Variants in UGGT2 observed in about 807,000 individuals in gnomAD.
UGGT2 encodes UDP-glucose glycoprotein glucosyltransferase 2, also known as UDP-glucose:glycoprotein glucosyltransferase 2.
Under a neutral mutation model 192.1 loss-of-function variants are expected in UGGT2, and 180 were observed. That is an observed-to-expected ratio of 0.94 (90% CI 0.83 to 1.06). UGGT2 has a LOEUF of 1.06. Among genes scored for constraint, UGGT2 ranks in the 50% least tolerant of loss-of-function variants. The pLI is 0.00. For missense variants in UGGT2, 1,849 were observed against 1,795.7 expected, an observed-to-expected ratio of 1.03 and a Z score of -0.54; for synonymous variants, 580 against 591.0, an observed-to-expected ratio of 0.98 and a Z score of 0.27.
At chr13:96,018,231 G>A (rs541350861) in intron 4 of UGGT2, among the ~76,000 whole-genome samples, 2 of 152,286 alleles carry the variant, frequency 1.3e-5, no homozygotes, top group South Asian at 2.1e-4. Flanking sequence ...AAATGTGAAT[G>A]AAGATCAGGA....
At chr13:95,969,848 T>C (rs910419016) in intron 12 of UGGT2, among the ~76,000 whole-genome samples, 16 of 152,336 alleles carry the variant, frequency 1.1e-4, no homozygotes, top group Admixed American at 1.0e-3. Context: ...TTATTGTTCA[T>C]GTGGTTATTC....
intron 1 of UGGT2, among the ~76,000 whole-genome samples, chr13:96,040,600 T>C (rs1221770555): frequency 6.6e-6 from 1 of 152,172 alleles, no homozygotes; most frequent in Non-Finnish European, 1.5e-5. Flanking sequence ...GACTTAGGGT[T>C]ACCTCCCAAT....
intron 8 of UGGT2, 27 bp downstream of exon 8, chr13:95,989,946 G>A: frequency 6.7e-7 from 1 of 1,485,362 alleles, no homozygotes; most frequent in Non-Finnish European, 9.2e-7. Context: ...CCAAAATGCT[G>A]TGTTAAAGTA....
chr13:95,909,398 T>C (rs1274445437), intron 20 of UGGT2, among the ~76,000 whole-genome samples: 2 of 151,696 alleles, frequency 1.3e-5, no homozygotes, highest in African/African-American at 4.9e-5. Flanking sequence ...GTGGCACGTA[T>C]ACACCATGGA....
chr13:95,841,477 A>G (rs1887858363), intron 36 of UGGT2, among the ~76,000 whole-genome samples: 1 of 152,160 alleles, frequency 6.6e-6, no homozygotes, highest in Admixed American at 6.5e-5. Context: ...AGGGAGGAAG[A>G]GGTCAGTTGC....
At chr13:95,907,603 A>G (rs1459845050) in intron 20 of UGGT2, among the ~76,000 whole-genome samples, 4 of 152,344 alleles carry the variant, frequency 2.6e-5, no homozygotes, top group Admixed American at 6.5e-5. Context: ...ATACCCAGGC[A>G]AAAAGGATTT....
chr13:95,958,238 G>A (rs184254207), intron 12 of UGGT2, among the ~76,000 whole-genome samples: 95 of 151,842 alleles, frequency 6.3e-4, no homozygotes, highest in Middle Eastern at 6.8e-3. Context: ...TGCAAGCTCC[G>A]CCTCCTAGGT....
chr13:95,898,988 G>A (rs1391677976), intron 22 of UGGT2, among the ~76,000 whole-genome samples: 1 of 152,222 alleles, frequency 6.6e-6, no homozygotes, highest in Non-Finnish European at 1.5e-5. Context: ...AGTGGCCAGT[G>A]CGATAGCACT....
At chr13:95,932,671 C>T (rs2049329019) in intron 17 of UGGT2, among the ~76,000 whole-genome samples, 1 of 152,048 alleles carries the variant, frequency 6.6e-6, no homozygotes, top group South Asian at 2.1e-4. Flanking sequence ...CTGTTCCAGT[C>T]CTCAAGGGGA....
At chr13:95,938,455 T>C (rs760875829) in intron 16 of UGGT2, among the ~76,000 whole-genome samples, 22 of 152,204 alleles carry the variant, frequency 1.4e-4, no homozygotes, top group Non-Finnish European at 3.1e-4. Context: ...ATTTTACAGA[T>C]GATAAAACAG....
chr13:95,895,104 C>A (rs2047909286), intron 23 of UGGT2, 76 bp downstream of exon 23: 2 of 1,412,058 alleles, frequency 1.4e-6, no homozygotes, highest in East Asian at 5.0e-5. Context: ...ATATTTGAAA[C>A]ATTTTCTAAT....
At chr13:95,825,233 G>A (rs1473839691) in intron 38 of UGGT2, among the ~76,000 whole-genome samples, 1 of 152,138 alleles carries the variant, frequency 6.6e-6, no homozygotes, top group Non-Finnish European at 1.5e-5. Context: ...TGAGTTGATG[G>A]TTCAGGCTTC....
chr13:95,937,404 G>A (rs1258411371), intron 16 of UGGT2, among the ~76,000 whole-genome samples: 1 of 152,160 alleles, frequency 6.6e-6, no homozygotes. Flanking sequence ...GTATGGCTGT[G>A]TCCCCAAAAT....
chr13:95,926,562 A>G (rs2049021821), intron 19 of UGGT2, among the ~76,000 whole-genome samples: 1 of 152,186 alleles, frequency 6.6e-6, no homozygotes. Flanking sequence ...TACCCTAACA[A>G]ATCTACGGTC....
chr13:96,000,649 C>A (rs72636593), intron 5 of UGGT2, among the ~76,000 whole-genome samples: 2 of 152,046 alleles, frequency 1.3e-5, no homozygotes, highest in African/African-American at 4.8e-5. Flanking sequence ...ACTATAAGGC[C>A]GTATATCTTG....
intron 37 of UGGT2, among the ~76,000 whole-genome samples, chr13:95,836,047 T>G (rs11839843): frequency 0.35 from 53,679 of 151,664 alleles, 9,933 homozygotes; most frequent in Non-Finnish European, 0.41. Context: ...AGCCCTTTTT[T>G]TTTGTTTGTT....
At chr13:95,931,435 C>T (rs1014413901) in intron 17 of UGGT2, among the ~76,000 whole-genome samples, 7 of 152,158 alleles carry the variant, frequency 4.6e-5, no homozygotes, top group Middle Eastern at 3.2e-3. Context: ...CACCTTGCAC[C>T]GGCACTCCTC....
intron 17 of UGGT2, among the ~76,000 whole-genome samples, chr13:95,927,646 T>C (rs917025667): frequency 6.6e-6 from 1 of 151,968 alleles, no homozygotes; most frequent in Non-Finnish European, 1.5e-5. Context: ...TGTTTGTTTG[T>C]TTGCTTTTTT....
At chr13:95,934,998 A>T (rs1333847466) in intron 17 of UGGT2, among the ~76,000 whole-genome samples, 2 of 152,152 alleles carry the variant, frequency 1.3e-5, no homozygotes, top group African/African-American at 4.8e-5. Flanking sequence ...TGAACACTTT[A>T]TAATTATCTA....
Sources: allele counts gnomAD v4.1 joint callset (sites outside exome capture counted in the v4.1 genomes callset), GRCh38; gene constraint gnomAD v4.1.1; transcripts MANE v1.5; gene names NCBI Gene and HGNC (gene_info 2026-07-23, HGNC 2026-07-21).